Variants in RANBP2 observed in about 807,000 individuals in gnomAD.
RANBP2 encodes the protein E3 SUMO-protein ligase RanBP2.
Under a neutral mutation model 303.6 loss-of-function variants are expected in RANBP2, and 57 were observed. The observed-to-expected ratio is 0.19, with a 90% CI of 0.15 to 0.23. The LOEUF is 0.23. Among genes scored for constraint, RANBP2 ranks in the 10% least tolerant of loss-of-function variants. RANBP2 has a pLI of 1.00. For synonymous variants in RANBP2, 1,167 were observed against 1,301.5 expected (o/e 0.90, Z 2.23); for missense variants, 3,138 against 3,780.8 (o/e 0.83, Z 4.46).
At chr2:109,136,017 A>G in the RANBP2 span, among the ~76,000 whole-genome samples, 4 of 152,292 alleles carry the variant, frequency 2.6e-5, no homozygotes, top group Non-Finnish European at 4.4e-5. Flanking sequence ...GCTTGTCTAC[A>G]GCTGCCTAGA....
chr2:108,832,493 A>T, the RANBP2 span, among the ~76,000 whole-genome samples: 2 of 151,268 alleles, frequency 1.3e-5, no homozygotes, highest in Non-Finnish European at 2.9e-5. Flanking sequence ...GATTACAGGC[A>T]TGCGCCACCA....
chr2:109,435,606 G>A, the RANBP2 span, among the ~76,000 whole-genome samples: 6 of 152,222 alleles, frequency 3.9e-5, no homozygotes, highest in Non-Finnish European at 8.8e-5. Context: ...CACTAAGGAA[G>A]TAGGACTAGC....
chr2:109,268,840 T>C, the RANBP2 span, among the ~76,000 whole-genome samples: 1 of 152,332 alleles, frequency 6.6e-6, no homozygotes, highest in African/African-American at 2.4e-5. Context: ...GCTATGAGGT[T>C]TGCCAGGTTG....
the RANBP2 span, among the ~76,000 whole-genome samples, chr2:109,219,275 G>A: frequency 1.3e-5 from 2 of 151,030 alleles, no homozygotes; most frequent in East Asian, 2.0e-4. Flanking sequence ...TTTTTGGGGG[G>A]CTCAGTATTA....
the RANBP2 span, among the ~76,000 whole-genome samples, chr2:109,271,069 C>G: frequency 6.6e-6 from 1 of 152,204 alleles, no homozygotes; most frequent in Non-Finnish European, 1.5e-5. Flanking sequence ...AAGGCGGAGT[C>G]AGTGTTGATC....
the RANBP2 span, among the ~76,000 whole-genome samples, chr2:109,152,889 G>T: frequency 1.3e-5 from 2 of 152,152 alleles, no homozygotes; most frequent in South Asian, 4.2e-4. Context: ...CTTGCTCCTT[G>T]TTCTCGATGG....
At chr2:108,755,145 A>G (rs1676201342) in intron 16 of RANBP2, 31 bp from the exon 17 acceptor site, 1 of 1,611,820 alleles carries the variant, frequency 6.2e-7, no homozygotes, top group Admixed American at 1.7e-5. Flanking sequence ...AGTGTTTTAA[A>G]TGCTGTTTTG....
the RANBP2 span, among the ~76,000 whole-genome samples, chr2:108,903,557 T>C: frequency 2.6e-5 from 4 of 152,156 alleles, no homozygotes; most frequent in Non-Finnish European, 5.9e-5. Flanking sequence ...GACATGTAGA[T>C]AAATGCAACA....
chr2:109,654,517 G>A, the RANBP2 span, among the ~76,000 whole-genome samples: 1 of 151,668 alleles, frequency 6.6e-6, no homozygotes, highest in African/African-American at 2.4e-5. Context: ...CATCATTACT[G>A]CCATACGCCT....
the RANBP2 span, chr2:109,733,139 C>A: frequency 2.3e-4 from 122 of 523,610 alleles, no homozygotes; most frequent in South Asian, 3.9e-4. Flanking sequence ...TCACAAGCCA[C>A]CTGATCCTTC....
the RANBP2 span, among the ~76,000 whole-genome samples, chr2:109,136,226 T>TA: frequency 4.8e-4 from 73 of 151,074 alleles, no homozygotes; most frequent in South Asian, 7.7e-3. Context: ...TGAGGTGCAT[T>TA]AAAAAAAAAC....
At chr2:109,312,668 G>C in the RANBP2 span, among the ~76,000 whole-genome samples, 1 of 152,118 alleles carries the variant, frequency 6.6e-6, no homozygotes, top group Admixed American at 6.5e-5. Context: ...TCGTATTTTC[G>C]AAGTTCATCC....
chr2:109,527,399 CAT>C, the RANBP2 span, among the ~76,000 whole-genome samples: 5 of 152,112 alleles, frequency 3.3e-5, no homozygotes, highest in Non-Finnish European at 7.3e-5. Context: ...GTTTGAGTAA[CAT>C]AAGAAACAGA....
At chr2:109,566,484 A>G in the RANBP2 span, among the ~76,000 whole-genome samples, 3 of 152,170 alleles carry the variant, frequency 2.0e-5, no homozygotes, top group Non-Finnish European at 2.9e-5. Context: ...ATGTTGAGGA[A>G]ATTACACATA....
the RANBP2 span, chr2:108,912,826 A>ACAGAGCT: frequency 7.3e-7 from 1 of 1,372,652 alleles, no homozygotes; most frequent in Admixed American, 2.0e-5. Context: ...AGACGCTGCC[A>ACAGAGCT]CAGAGCTCAT....
the RANBP2 span, among the ~76,000 whole-genome samples, chr2:109,303,383 G>A: frequency 1.3e-5 from 2 of 152,216 alleles, no homozygotes; most frequent in Non-Finnish European, 2.9e-5. Context: ...CCACTTTGGG[G>A]GCCAGACTTT....
rs1372677320 is a variant in RANBP2 at position 108,767,677 on chromosome 2, C to G, written c.7138C>G (p.Leu2380Val). Residue 2380 changes from leucine (L) to valine (V), a missense_variant, in exon 20 of 29, where the codon CTT becomes GTT. By Grantham distance (32) the Leu-to-Val change is conservative. Transcript: ENST00000283195. Reference sequence around the variant, plus strand: ...GATGAGAAGGGACCAAGTATTAAAACTTTGTGCCAATCACAGAATAACTCC... The same window carrying G: ...GATGAGAAGGGACCAAGTATTAAAAGTTTGTGCCAATCACAGAATAACTCC... ...IVMRRDQVLK[L>V]CANHRITPDM... is the part of the protein sequence containing the mutation. 13 of 1,611,974 alleles carry G rather than the reference C, an allele frequency of 8.1e-6. No homozygotes were observed. Among genetic ancestry groups the G allele is most frequent in the Non-Finnish European group, 1.1e-5 (13 of 1,179,852 alleles).
At chr2:109,500,957 TAAG>T in the RANBP2 span, among the ~76,000 whole-genome samples, 1 of 152,074 alleles carries the variant, frequency 6.6e-6, no homozygotes, top group Non-Finnish European at 1.5e-5. Context: ...CTCAAAAAAA[TAAG>T]GACAATTTAC....
chr2:108,902,884 G>A, the RANBP2 span, among the ~76,000 whole-genome samples: 1 of 152,176 alleles, frequency 6.6e-6, no homozygotes, highest in African/African-American at 2.4e-5. Flanking sequence ...TCACTGTAGT[G>A]CTGGAAGGTA....
Sources: allele counts gnomAD v4.1 joint callset (sites outside exome capture counted in the v4.1 genomes callset), GRCh38; gene constraint gnomAD v4.1.1; transcripts MANE v1.5; gene names NCBI Gene and HGNC (gene_info 2026-07-23, HGNC 2026-07-21).